CSMD1: variants seen among roughly 807,000 people sequenced by gnomAD.
CSMD1 encodes the protein CUB and sushi domain-containing protein 1.
In CSMD1, 213 loss-of-function variants were observed where a neutral mutation model predicts 417.5. That is an observed-to-expected ratio of 0.51 (90% confidence interval 0.46 to 0.57). The LOEUF is 0.57. Ranked by LOEUF, CSMD1 falls within the 20% of genes least tolerant of loss-of-function variation. The probability of loss-of-function intolerance (pLI) is 0.00; values close to 1 mark genes in which losing one functional copy is unlikely to be tolerated. For missense variants in CSMD1, 6,923 were observed against 4,529.7 expected (o/e 1.53, Z -15.17); for synonymous variants, 2,862 against 1,736.8 (o/e 1.65, Z -16.11).
chr8:4,564,304 C>A (rs1409882754), intron 2 of CSMD1, among the ~76,000 whole-genome samples: 1 of 152,092 alleles, frequency 6.6e-6, no homozygotes, highest in Non-Finnish European at 1.5e-5. Context: ...AGCATACAAG[C>A]AGATAACATT....
intron 4 of CSMD1, among the ~76,000 whole-genome samples, chr8:4,024,487 A>G (rs542990332): frequency 2.6e-5 from 4 of 152,308 alleles, no homozygotes; most frequent in Non-Finnish European, 5.9e-5. Flanking sequence ...GAGACCACCC[A>G]AACTATAGCT....
chr8:3,895,676 T>A (rs79846179), intron 5 of CSMD1, among the ~76,000 whole-genome samples: 2 of 152,240 alleles, frequency 1.3e-5, no homozygotes, highest in African/African-American at 4.8e-5. Flanking sequence ...CACATATTTA[T>A]AATCCAAGTA....
At chr8:4,120,496 G>A (rs923154722) in intron 3 of CSMD1, among the ~76,000 whole-genome samples, 1 of 152,134 alleles carries the variant, frequency 6.6e-6, no homozygotes, top group African/African-American at 2.4e-5. Flanking sequence ...GAAGAACCAG[G>A]AGATCAATTA....
At chr8:3,507,484 T>A (rs1796877265) in intron 10 of CSMD1, among the ~76,000 whole-genome samples, 1 of 152,202 alleles carries the variant, frequency 6.6e-6, no homozygotes, top group East Asian at 1.9e-4. Context: ...TGTGTCTTTA[T>A]AGCAGCATGA....
chr8:3,053,574 G>T (rs978722044), intron 49 of CSMD1, among the ~76,000 whole-genome samples: 3 of 152,174 alleles, frequency 2.0e-5, no homozygotes, highest in Non-Finnish European at 2.9e-5. Context: ...TAGTGGGGAT[G>T]TGGACCGCTT....
At chr8:3,472,492 A>G (rs1464679577) in intron 11 of CSMD1, among the ~76,000 whole-genome samples, 1 of 152,128 alleles carries the variant, frequency 6.6e-6, no homozygotes, top group Non-Finnish European at 1.5e-5. Flanking sequence ...CATCTCTGAC[A>G]AAACTCCAAC....
chr8:4,872,712 G>A (rs1322557304), intron 1 of CSMD1, among the ~76,000 whole-genome samples: 1 of 152,118 alleles, frequency 6.6e-6, no homozygotes, highest in East Asian at 1.9e-4. Flanking sequence ...GAGACAGAAA[G>A]AGACAGAGAA....
At chr8:4,645,855 C>G (rs1029860666) in intron 1 of CSMD1, among the ~76,000 whole-genome samples, 4 of 152,090 alleles carry the variant, frequency 2.6e-5, no homozygotes, top group African/African-American at 9.7e-5. Context: ...GCACCCCACG[C>G]CTGCATGTGC....
chr8:4,373,947 G>A (rs1802555515), intron 3 of CSMD1, among the ~76,000 whole-genome samples: 1 of 152,170 alleles, frequency 6.6e-6, no homozygotes, highest in Admixed American at 6.6e-5. Context: ...AGACTTTAGT[G>A]TCTCTACTGA....
At chr8:4,838,240 T>A (rs1308521457) in intron 1 of CSMD1, among the ~76,000 whole-genome samples, 2 of 152,202 alleles carry the variant, frequency 1.3e-5, no homozygotes, top group East Asian at 3.8e-4. Flanking sequence ...GTTCTGGGTT[T>A]TATTCACTTA....
intron 1 of CSMD1, among the ~76,000 whole-genome samples, chr8:4,739,290 A>G (rs539954235): frequency 2.0e-4 from 30 of 152,350 alleles, no homozygotes; most frequent in African/African-American, 4.3e-4. Flanking sequence ...GAACTCCTAC[A>G]GATTAACAGA....
intron 1 of CSMD1, among the ~76,000 whole-genome samples, chr8:4,905,541 C>A (rs1805186110): frequency 6.6e-6 from 1 of 151,754 alleles, no homozygotes; most frequent in Admixed American, 6.6e-5. Context: ...AGAAATCGGT[C>A]AGACACAGTG....
At chr8:3,247,339 G>T (rs191241151) in intron 26 of CSMD1, among the ~76,000 whole-genome samples, 109 of 152,214 alleles carry the variant, frequency 7.2e-4, no homozygotes, top group Non-Finnish European at 1.1e-3. Flanking sequence ...CCTGCTCCTG[G>T]CCCCCTCCCC....
chr8:3,296,944 G>A (rs1804017789), intron 25 of CSMD1, among the ~76,000 whole-genome samples: 1 of 152,152 alleles, frequency 6.6e-6, no homozygotes, highest in African/African-American at 2.4e-5. Context: ...TCAGAGTGGA[G>A]AAAATAAACA....
At chr8:3,306,583 G>C (rs960451358) in intron 25 of CSMD1, among the ~76,000 whole-genome samples, 3 of 151,926 alleles carry the variant, frequency 2.0e-5, no homozygotes, top group Non-Finnish European at 4.4e-5. Context: ...TAGACGCCTG[G>C]GACATGCAGA....
chr8:3,219,387 TG>T lies in CSMD1; in HGVS notation c.4539del (p.Asn1514ThrfsTer17). The part of the protein sequence containing the change: ...DFLHIYEGED[S>X]NSPLIGSYQG... ...TGGTAACTCCCAATGAGGGGGCTGT[TG>T]GAATCTTCCCCTTCATAGATGTGTA... On this transcript the variant is annotated frameshift_variant, in exon 29 of 70. Transcript: ENST00000635120. LOFTEE classifies it high-confidence loss of function. 1.3e-6 allele frequency: 2 copies of T among 1,566,152 alleles called. No homozygotes were observed. Among genetic ancestry groups the T allele is most frequent in the Admixed American group, 1.9e-5 (1 of 52,468 alleles).
intron 26 of CSMD1, among the ~76,000 whole-genome samples, chr8:3,269,066 A>C (rs1478693210): frequency 6.6e-6 from 1 of 152,250 alleles, no homozygotes; most frequent in Admixed American, 6.5e-5. Flanking sequence ...AGAGAAAATG[A>C]ATCAGAGCTA....
chr8:4,075,714 T>A (rs536681945), intron 3 of CSMD1, among the ~76,000 whole-genome samples: 6 of 152,322 alleles, frequency 3.9e-5, no homozygotes, highest in East Asian at 3.9e-4. Flanking sequence ...ATTGTCAATG[T>A]AGAAACGGTT....
At chr8:4,520,839 G>C (rs534193795) in intron 2 of CSMD1, among the ~76,000 whole-genome samples, 48 of 152,188 alleles carry the variant, frequency 3.2e-4, no homozygotes, top group Non-Finnish European at 5.7e-4. Flanking sequence ...TATATACCAG[G>C]TTTCTAAGAC....
Sources: allele counts gnomAD v4.1 joint callset (sites outside exome capture counted in the v4.1 genomes callset), GRCh38; gene constraint gnomAD v4.1.1; transcripts MANE v1.5; gene names NCBI Gene and HGNC (gene_info 2026-07-23, HGNC 2026-07-21).